Variants in PLXNA4 observed in about 807,000 individuals in gnomAD.
PLXNA4 encodes the protein plexin A4, also known as plexin-A4.
PLXNA4 carries 44 observed loss-of-function variants against 191.8 expected under a neutral mutation model. The ratio of observed to expected loss-of-function variants is 0.23; its 90% CI spans 0.18 to 0.29. PLXNA4 has a LOEUF of 0.29. PLXNA4 is among the 10% of genes least tolerant of loss of function. The pLI, the probability that PLXNA4 is intolerant of heterozygous loss-of-function variation, is 1.00. For missense variants in PLXNA4, 1,800 were observed against 2,488.8 expected, an observed-to-expected ratio of 0.72 and a Z score of 5.89; for synonymous variants, 1,082 against 1,009.5, an observed-to-expected ratio of 1.07 and a Z score of -1.36.
intron 25 of PLXNA4, among the ~76,000 whole-genome samples, chr7:132,154,821 G>A (rs1355908130): frequency 1.3e-5 from 2 of 152,160 alleles, no homozygotes; most frequent in Admixed American, 6.6e-5. Context: ...AGCTCTGCCC[G>A]GCAGCCGGAT....
chr7:132,512,984 G>A (rs901907412), intron 1 of PLXNA4, among the ~76,000 whole-genome samples: 1 of 152,170 alleles, frequency 6.6e-6, no homozygotes. Flanking sequence ...AGGATTCATC[G>A]AACTACGTAG....
intron 3 of PLXNA4, among the ~76,000 whole-genome samples, chr7:132,342,381 T>G (rs1013723350): frequency 6.6e-6 from 1 of 151,828 alleles, no homozygotes; most frequent in Non-Finnish European, 1.5e-5. Flanking sequence ...ACAAACAGAT[T>G]CATCTTGGCT....
intron 3 of PLXNA4, among the ~76,000 whole-genome samples, chr7:132,311,242 A>G (rs1034160542): frequency 6.7e-6 from 1 of 148,918 alleles, no homozygotes; most frequent in Non-Finnish European, 1.5e-5. Flanking sequence ...GATGCATGTG[A>G]CGTTACCCAA....
intron 13 of PLXNA4, among the ~76,000 whole-genome samples, chr7:132,197,902 T>A (rs1057455600): frequency 6.6e-6 from 1 of 152,196 alleles, no homozygotes; most frequent in East Asian, 1.9e-4. Context: ...TTCATAGTTG[T>A]GTTTGCTGGG....
intron 30 of PLXNA4, among the ~76,000 whole-genome samples, chr7:132,139,625 A>G (rs1286085756): frequency 4.6e-5 from 7 of 152,178 alleles, no homozygotes; most frequent in Non-Finnish European, 8.8e-5. Flanking sequence ...GGGCTACCTC[A>G]TTCTGTAGGA....
chr7:132,605,695 T>C (rs1243210489), intron 2 of PLXNA4, among the ~76,000 whole-genome samples: 1 of 151,078 alleles, frequency 6.6e-6, no homozygotes, highest in Admixed American at 6.6e-5. Context: ...CTTGTGAATG[T>C]AATCTTATTT....
Position 132,223,542 on chromosome 7 carries a change from T to A in PLXNA4, c.2082A>T (p.Arg694=). The change falls in exon 9 of 32, where the codon CGA becomes CGT. Residue 694 remains arginine (R), a synonymous_variant. Transcript: ENST00000321063. ...DPKTCSFQEG[R]VKLPEDCPQL... is the part of the protein sequence containing the mutation. ...AGGGACCTACCTCGGGCAGCTTCAC[T>A]CGGCCTTCCTGGAAGGAGCAGGTCT... 3 of 1,613,214 alleles carry A rather than the reference T, an allele frequency of 1.9e-6. No homozygotes were observed. The highest frequency in any genetic ancestry group is 2.5e-6 in the Non-Finnish European group (3 of 1,179,646).
chr7:132,605,127 G>T (rs1471694254), intron 2 of PLXNA4, among the ~76,000 whole-genome samples: 1 of 152,188 alleles, frequency 6.6e-6, no homozygotes, highest in East Asian at 1.9e-4. Flanking sequence ...TACGAGATTG[G>T]CACTGTTCTT....
At chr7:132,617,484 T>A (rs1179248256) in intron 2 of PLXNA4, among the ~76,000 whole-genome samples, 1 of 152,214 alleles carries the variant, frequency 6.6e-6, no homozygotes, top group African/African-American at 2.4e-5. Context: ...ATGTCCTATG[T>A]CTTCCTAATG....
At chr7:132,443,851 CT>C (rs1182539442) in intron 3 of PLXNA4, among the ~76,000 whole-genome samples, 1 of 152,190 alleles carries the variant, frequency 6.6e-6, no homozygotes, top group East Asian at 1.9e-4. Context: ...AAAATGTGTG[CT>C]TCCATTCCAA....
chr7:132,459,237 A>G (rs1301542827), intron 3 of PLXNA4, among the ~76,000 whole-genome samples: 1 of 152,142 alleles, frequency 6.6e-6, no homozygotes, highest in Non-Finnish European at 1.5e-5. Flanking sequence ...CTGAACCAGA[A>G]CCCCTAATTT....
intron 1 of PLXNA4, among the ~76,000 whole-genome samples, chr7:132,552,599 C>T (rs1800609928): frequency 6.6e-6 from 1 of 152,166 alleles, no homozygotes; most frequent in Non-Finnish European, 1.5e-5. Context: ...AATAAAAAGT[C>T]CTTCTGCAAG....
intron 4 of PLXNA4, among the ~76,000 whole-genome samples, chr7:132,291,290 C>T (rs920526317): frequency 6.6e-6 from 1 of 152,198 alleles, no homozygotes; most frequent in Non-Finnish European, 1.5e-5. Flanking sequence ...ATTTCCCTTG[C>T]AACCATCTTT....
At chr7:132,226,557 C>T (rs559396542) in intron 7 of PLXNA4, among the ~76,000 whole-genome samples, 1 of 152,218 alleles carries the variant, frequency 6.6e-6, no homozygotes. Flanking sequence ...CCCAGACTCA[C>T]AAAATTGATT....
intron 10 of PLXNA4, among the ~76,000 whole-genome samples, chr7:132,205,463 A>G (rs564647469): frequency 6.6e-6 from 1 of 152,290 alleles, no homozygotes; most frequent in Admixed American, 6.5e-5. Context: ...GGAGAAGGGT[A>G]TAAGAGAGGG....
chr7:132,618,576 G>A (rs752358740), intron 2 of PLXNA4, among the ~76,000 whole-genome samples: 4 of 152,208 alleles, frequency 2.6e-5, no homozygotes, highest in Admixed American at 6.5e-5. Flanking sequence ...AACTTGGTCT[G>A]CCTCTCCGGT....
chr7:132,298,233 G>T lies in PLXNA4; in HGVS notation c.1372-11C>A, dbSNP rs1489761962. On this transcript the variant is annotated splice_polypyrimidine_tract_variant and intron_variant, in intron 3 of 31. Coordinates refer to ENST00000321063, the MANE Select transcript of PLXNA4 (RefSeq NM_020911.2). ...TCCATCCACCCGGATCTGTGGAGAA[G>T]AAGAGGAGAGCCAAAGTGAGTTCAG... 6 of 1,607,418 alleles carry T rather than the reference G, an allele frequency of 3.7e-6. No individual in the cohort carries two copies. The East Asian group carries it at 8.9e-5, about 24-fold the overall frequency.
At chr7:132,253,232 C>CTTTTTTTTTT (rs56010775) in intron 4 of PLXNA4, among the ~76,000 whole-genome samples, 3 of 134,444 alleles carry the variant, frequency 2.2e-5, no homozygotes, top group African/African-American at 2.7e-5. Context: ...TTTCTTTTTT[C>CTTTTTTTTTT]TTTTTTTTTT....
chr7:132,612,869 T>C (rs757283026), intron 2 of PLXNA4, among the ~76,000 whole-genome samples: 3 of 151,990 alleles, frequency 2.0e-5, no homozygotes, highest in Non-Finnish European at 4.4e-5. Context: ...AAATCAACCA[T>C]GGGTGAGAAC....
Sources: gnomAD v4.1 joint callset for allele counts (sites outside exome capture counted in the v4.1 genomes callset) on GRCh38, gnomAD v4.1.1 for gene constraint, MANE v1.5 for transcripts, NCBI Gene and HGNC (gene_info 2026-07-23, HGNC 2026-07-21) for gene names.